USP36: variants seen among roughly 807,000 people sequenced by gnomAD.
USP36 encodes the protein ubiquitin carboxyl-terminal hydrolase 36.
Under a neutral mutation model 111.5 loss-of-function variants are expected in USP36, and 59 were observed. That is an observed-to-expected ratio of 0.53 (90% CI 0.43 to 0.66). The LOEUF (loss-of-function observed/expected upper bound fraction) is 0.66, where lower values mean the gene tolerates loss of function less well. Among genes scored for constraint, USP36 ranks in the 30% least tolerant of loss-of-function variants. USP36 has a pLI of 0.00. For missense variants in USP36, 1,488 were observed against 1,468.0 expected, an observed-to-expected ratio of 1.01 and a Z score of -0.22; for synonymous variants, 628 against 581.0, an observed-to-expected ratio of 1.08 and a Z score of -1.16.
Position 78,803,482 on chromosome 17 carries a change from T to C in USP36, c.2713A>G (p.Thr905Ala). ...QVNGQQVGCV[T>A]DGHHASSRKR... ...CTGCTGCTCGCGTGGTGGCCGTCCG[T>C]AACACATCCCACCTGCTGGCCATTC... is the stretch of plus-strand genomic sequence containing the variant. The change falls in exon 16 of 21, where the codon ACG becomes GCG. Residue 905 changes from threonine to alanine, a missense_variant. Transcript: ENST00000449938. The surrounding 1 kb of genome is among the most constrained non-coding windows in gnomAD (Gnocchi z 4.6). 6.2e-7 allele frequency: 1 copy of C among 1,614,074 alleles called. No individual in the cohort carries two copies. The highest frequency in any genetic ancestry group is 8.5e-7 in the Non-Finnish European group (1 of 1,180,024).
chr17:78,817,087 T>C (rs1472750081), intron 10 of USP36, among the ~76,000 whole-genome samples: 1 of 152,208 alleles, frequency 6.6e-6, no homozygotes, highest in Non-Finnish European at 1.5e-5. Context: ...GTACCTTCTC[T>C]ATGTTTAGAT....
At chr17:78,805,599 C>A (rs531229738) in intron 15 of USP36, among the ~76,000 whole-genome samples, 70 of 152,318 alleles carry the variant, frequency 4.6e-4, no homozygotes, top group African/African-American at 1.7e-3. Context: ...TCCTGCCACT[C>A]GAGGCACCTA....
At chr17:78,804,625 T>TAAAAAAA (rs35371422) in intron 15 of USP36, among the ~76,000 whole-genome samples, 1 of 38,342 alleles carries the variant, frequency 2.6e-5, no homozygotes, top group African/African-American at 1.2e-4. Context: ...CCCTGAGATT[T>TAAAAAAA]AAAAAAAAAA....
At position 78,839,809 on chromosome 17, in the gene USP36, G is replaced by A. The variant is rs76991945; in HGVS notation, c.-174+927C>T. On this transcript the variant is annotated intron_variant, in intron 1 of 20. Coordinates refer to ENST00000449938, the MANE Select transcript of USP36 (RefSeq NM_001385174.1). ...TCCTGTAATCACTAGCAATCCCTCCGACGCACACACCATCCACACTCTACC... is the reference window on the plus strand; with the variant it reads ...TCCTGTAATCACTAGCAATCCCTCCAACGCACACACCATCCACACTCTACC... 3.0e-4 allele frequency among the ~76,000 whole-genome samples: 45 copies of A among 152,220 alleles called. No homozygotes were observed. In the East Asian group the frequency reaches 8.3e-3, roughly 28 times the overall value.
chr17:78,836,859 A>C (rs1333868123), intron 2 of USP36, among the ~76,000 whole-genome samples: 3 of 152,118 alleles, frequency 2.0e-5, no homozygotes, highest in Admixed American at 6.5e-5. Context: ...TAAATGAATT[A>C]GCATGCAGGT....
intron 13 of USP36, among the ~76,000 whole-genome samples, chr17:78,812,431 T>G (rs1158356018): frequency 2.6e-5 from 4 of 152,148 alleles, no homozygotes; most frequent in East Asian, 3.9e-4. Flanking sequence ...GGCTCATGCC[T>G]GTAATCCCAG....
downstream of USP36, among the ~76,000 whole-genome samples, chr17:78,794,062 C>G (rs1176193354): frequency 2.0e-5 from 3 of 152,218 alleles, no homozygotes; most frequent in African/African-American, 7.2e-5. Context: ...TTAAACTCCA[C>G]CCAGAACATT....
At chr17:78,804,480 A>G (rs1034263545) in intron 15 of USP36, among the ~76,000 whole-genome samples, 2 of 55,058 alleles carry the variant, frequency 3.6e-5, no homozygotes, top group Non-Finnish European at 8.3e-5. Flanking sequence ...AAAACCAAAA[A>G]AACAAAAACA....
At chr17:78,829,379 C>T (rs1212541470) in intron 4 of USP36, among the ~76,000 whole-genome samples, 1 of 152,176 alleles carries the variant, frequency 6.6e-6, no homozygotes, top group Non-Finnish European at 1.5e-5. Context: ...GATGTATTCT[C>T]GAATTTCTAA....
chr17:78,798,169 C>T lies in USP36; in HGVS notation c.*20+231G>A, dbSNP rs543517695. The stretch of plus-strand genomic sequence containing the variant: ...CACTACACACACCCCCTTATACACA[C>T]GCATCCCACACACACCCCCTTATAC... On this transcript the variant is annotated intron_variant, in intron 20 of 20. Coordinates refer to ENST00000449938, the MANE Select transcript of USP36 (RefSeq NM_001385174.1). The surrounding 1 kb of genome is among the most constrained non-coding windows in gnomAD (Gnocchi z 5.1). 1.1e-5 allele frequency: 6 copies of T among 561,672 alleles called. No individual in the cohort carries two copies. The highest frequency in any genetic ancestry group is 4.5e-5 in the South Asian group (2 of 44,812). The allele number at this position is 561,672 out of a possible 1,614,324, so 34.8% of individuals were successfully genotyped here.
At chr17:78,818,836 TTG>T in intron 9 of USP36, 58 bp from the exon 10 acceptor site, 4 of 1,580,996 alleles carry the variant, frequency 2.5e-6, no homozygotes, top group Non-Finnish European at 3.5e-6. Context: ...CTGAAAAATG[TTG>T]TCTTAACGCT....
At chr17:78,832,010 A>T (rs2068174705) in intron 4 of USP36, among the ~76,000 whole-genome samples, 1 of 152,020 alleles carries the variant, frequency 6.6e-6, no homozygotes, top group East Asian at 1.9e-4. Context: ...GTAAATAACA[A>T]TCTAAGCCAG....
chr17:78,829,150 A>G, intron 4 of USP36, 143 bp from the exon 5 acceptor site: 1 of 639,338 alleles, frequency 1.6e-6, no homozygotes. Flanking sequence ...TGAGCCAGAG[A>G]TCCCAGACCT....
At chr17:78,814,264 C>A (rs1156921500) in intron 11 of USP36, 148 bp downstream of exon 11, 22 of 1,105,900 alleles carry the variant, frequency 2.0e-5, no homozygotes, top group Non-Finnish European at 2.6e-5. Context: ...CTTTTCACTC[C>A]ACGCAGAGAG....
rs1399401860 is a variant in USP36, at chr17:78,806,172, G to A, written c.2200C>T (p.Pro734Ser). The A allele has an allele frequency of 6.2e-7, 1 of 1,613,478 alleles. No homozygotes were observed. The highest frequency in any genetic ancestry group is 8.5e-7 in the Non-Finnish European group (1 of 1,179,924). The change falls in exon 15 of 21, where the codon CCC (proline) becomes TCC (serine). Residue 734 changes from proline to serine, a missense_variant. Transcript: ENST00000449938. ...TSHPVVASTW[P>S]VHRARAVSPA... is the part of the protein sequence containing the mutation. ...AAAGCTTACCTGGCTCTATGGACGG[G>A]CCAAGTGGAGGCAACGACGGGGTGA...
chr17:78,823,403 G>C (rs1358495637), intron 6 of USP36, among the ~76,000 whole-genome samples: 1 of 152,130 alleles, frequency 6.6e-6, no homozygotes, highest in East Asian at 1.9e-4. Flanking sequence ...AGGGCCACAA[G>C]GAATCCCCTC....
At chr17:78,816,272 A>G (rs895929401) in intron 10 of USP36, among the ~76,000 whole-genome samples, 1 of 151,662 alleles carries the variant, frequency 6.6e-6, no homozygotes, top group Admixed American at 6.6e-5. Context: ...CAATCCTCCT[A>G]TCTCTACCTC....
chr17:78,789,691 T>C (rs2093566421), intron 3 of USP36, among the ~76,000 whole-genome samples: 1 of 152,254 alleles, frequency 6.6e-6, no homozygotes, highest in Non-Finnish European at 1.5e-5. Flanking sequence ...AACTTGATTG[T>C]ATCCAGCTGT....
At position 78,822,653 on chromosome 17, in the gene USP36, G is replaced by C. The variant is rs370186283; in HGVS notation, c.690-649C>G. On this transcript the variant is annotated intron_variant, in intron 6 of 20. Coordinates refer to ENST00000449938, the MANE Select transcript of USP36 (RefSeq NM_001385174.1). ...GAGCTCTGGGGCCTCTTCTCACCCGGACCCGGGGCTGCCTGGCGCCTCCCA... is the reference window on the plus strand; with the variant it reads ...GAGCTCTGGGGCCTCTTCTCACCCGCACCCGGGGCTGCCTGGCGCCTCCCA... Among the ~76,000 whole-genome samples, 13 of 152,286 alleles carry C rather than the reference G, an allele frequency of 8.5e-5. 4 individuals carry two copies. The highest frequency in any genetic ancestry group is 1.3e-4 in the Admixed American group (2 of 15,288).
Sources: allele counts gnomAD v4.1 joint callset (sites outside exome capture counted in the v4.1 genomes callset), GRCh38; gene constraint gnomAD v4.1.1; non-coding constraint Gnocchi (gnomAD v3.1); transcripts MANE v1.5; gene names NCBI Gene and HGNC (gene_info 2026-07-23, HGNC 2026-07-21).